The following NEB variants were observed in gnomAD, a reference collection of about 807,000 sequenced individuals.
NEB encodes the protein nemaline myopathy type 2.
Under a neutral mutation model 952.2 loss-of-function variants are expected in NEB, and 512 were observed. The observed-to-expected ratio is 0.54, with a 90% CI of 0.50 to 0.58. The LOEUF (loss-of-function observed/expected upper bound fraction) is 0.58. NEB is among the 20% of genes least tolerant of loss of function. The pLI is 0.00. For missense variants in NEB, 8,428 were observed against 9,231.1 expected (o/e 0.91, Z 3.56); for synonymous variants, 2,900 against 3,149.8 (o/e 0.92, Z 2.66).
intron 143 of NEB, among the ~76,000 whole-genome samples, chr2:151,532,973 A>C (rs996700805): frequency 6.6e-6 from 1 of 152,188 alleles, no homozygotes; most frequent in Non-Finnish European, 1.5e-5. Flanking sequence ...CAAAGTCAAG[A>C]GGCGCCATGA....
At chr2:151,562,031 G>A (rs540483472) in intron 121 of NEB, 79 bp downstream of exon 121, 3 of 1,116,232 alleles carry the variant, frequency 2.7e-6, no homozygotes, top group African/African-American at 3.1e-5. Flanking sequence ...AACTTTCTTT[G>A]CCTGCCCATC....
intron 51 of NEB, 70 bp downstream of exon 51, chr2:151,655,200 A>T: frequency 1.1e-6 from 1 of 905,660 alleles, no homozygotes; most frequent in Non-Finnish European, 1.7e-6. Flanking sequence ...ATCAGTATTT[A>T]CTGTTACATT....
At chr2:151,633,990 G>A in intron 64 of NEB, 25 bp from the exon 65 acceptor site, 1 of 1,602,380 alleles carries the variant, frequency 6.2e-7, no homozygotes, top group South Asian at 1.1e-5. Flanking sequence ...CACAAATCAG[G>A]TTTTTATTGT....
rs1207855764 is a variant in NEB at position 151,619,706 on chromosome 2, T to C, written c.10617A>G (p.Ala3539=). 4.3e-6 allele frequency: 7 copies of C among 1,613,760 alleles called. No individual in the cohort carries two copies. The highest frequency in any genetic ancestry group is 5.9e-6 in the Non-Finnish European group (7 of 1,179,780). ...KQLGHHIGAR[A]VHDDPKIMWS... Reference sequence around the variant, plus strand: ...ACATTATCTTGGGGTCATCGTGTACTGCTCGGGCGCCAATGTGGTGACCCA... The same window carrying C: ...ACATTATCTTGGGGTCATCGTGTACCGCTCGGGCGCCAATGTGGTGACCCA... Residue 3539 remains alanine, a synonymous_variant, in exon 73 of 182, where the codon GCA becomes GCG. Coordinates refer to ENST00000397345, the MANE Select transcript of NEB (RefSeq NM_001164508.2).
rs765569689 is a variant in NEB, at chr2:151,717,504, C to A, written c.734G>T (p.Gly245Val). 10 of 1,613,460 alleles carry A rather than the reference C, an allele frequency of 6.2e-6. No individual in the cohort carries two copies. Among genetic ancestry groups the A allele is most frequent in the African/African-American group, 5.3e-5 (4 of 74,916 alleles). Residue 245 changes from glycine (G) to valine (V), a missense_variant, in exon 10 of 182, where the codon GGT (glycine) becomes GTT (valine). Gly to Val is a moderately radical substitution (Grantham distance 109, BLOSUM62 -3). This residue lies in a region of NEB where 2,851 missense variants were observed against 2,791.5 expected (regional missense o/e 1.02). Coordinates refer to ENST00000397345, the MANE Select transcript of NEB (RefSeq NM_001164508.2). ...GAATTGAGCTTGCTGTTCAGCGAGA[C>A]CTTTTTTGTAGGCAACCTGATGAAA... ...KALSDVAYKK[G>V]LAEQQAQFTP...
chr2:151,576,477 C>CA (rs1399253930), intron 105 of NEB, 123 bp from the exon 106 acceptor site: 1 of 110,836 alleles, frequency 9.0e-6, no homozygotes, highest in Non-Finnish European at 1.8e-5. Context: ...ATATATATAA[C>CA]ATAAATACAT....
intron 113 of NEB, 116 bp from the exon 114 acceptor site, chr2:151,567,595 ACCC>A: frequency 1.2e-6 from 1 of 823,816 alleles, no homozygotes; most frequent in South Asian, 2.3e-5. Flanking sequence ...TTTGTTTGAC[ACCC>A]CCAACTCTGA....
In NEB at chr2:151,554,918, T is replaced by C. The variant is rs1242083931; in HGVS notation, c.19428+13A>G. The C allele has an allele frequency of 2.5e-6, 4 of 1,569,966 alleles. No individual in the cohort carries two copies. In the African/African-American group the frequency reaches 4.1e-5, roughly 16 times the overall value. On this transcript the variant is annotated intron_variant, in intron 125 of 181. Transcript: ENST00000397345. ...TGTATCCTAGTCATTAAGGGGCGCA[T>C]GACCGTACTTACATCGATGTTAAGC...
intron 44 of NEB, 63 bp downstream of exon 44, chr2:151,664,438 C>T (rs904515993): frequency 1.6e-5 from 20 of 1,261,506 alleles, no homozygotes; most frequent in Non-Finnish European, 2.2e-5. Flanking sequence ...CCTACATACA[C>T]ACAAGCTTAG....
chr2:151,717,532 A>T lies in NEB; in HGVS notation c.718-12T>A. 6.3e-7 allele frequency: 1 copy of T among 1,582,356 alleles called. No homozygotes were observed. The highest frequency in any genetic ancestry group is 8.7e-7 in the Non-Finnish European group (1 of 1,151,600). On this transcript the variant is annotated splice_polypyrimidine_tract_variant and intron_variant, in intron 9 of 181. Coordinates refer to ENST00000397345, the MANE Select transcript of NEB (RefSeq NM_001164508.2). ...TTTTTGTAGGCAACCTGATGAAATA[A>T]AAGACAGGGATGTATTTTAAAAACG...
At chr2:151,690,338 C>T (rs2099538489) in intron 24 of NEB, 1 of 207,128 alleles carries the variant, frequency 4.8e-6, no homozygotes, top group Non-Finnish European at 9.9e-6. Flanking sequence ...TTACTGTGCC[C>T]TTTCTTTTTG....
chr2:151,621,142 A>G, intron 71 of NEB, 116 bp from the exon 72 acceptor site: 1 of 665,136 alleles, frequency 1.5e-6, no homozygotes, highest in East Asian at 2.8e-5. Context: ...GTTCAGCCTT[A>G]AATCAGAAAA....
At chr2:151,491,620 G>T in intron 179 of NEB, 63 bp downstream of exon 179, 1 of 1,327,538 alleles carries the variant, frequency 7.5e-7, no homozygotes, top group Non-Finnish European at 1.1e-6. Context: ...CCAAATGAAA[G>T]TCATTGACTC....
rs139196646 is a variant in NEB, at chr2:151,731,948, T to C, written c.36+1173A>G. The stretch of plus-strand genomic sequence containing the variant: ...TAAGCCAGAGAGGCTGAGTGTTACA[T>C]TGTACGAGATTCATTCTATTTTTTC... On this transcript the variant is annotated intron_variant, in intron 3 of 181. Coordinates refer to ENST00000397345, the MANE Select transcript of NEB (RefSeq NM_001164508.2). 7.9e-5 allele frequency among the ~76,000 whole-genome samples: 12 copies of C among 152,298 alleles called. No individual in the cohort carries two copies. The East Asian group carries it at 1.7e-3, about 22-fold the overall frequency.
chr2:151,679,331 G>A (rs181747616), intron 32 of NEB, among the ~76,000 whole-genome samples: 36 of 152,052 alleles, frequency 2.4e-4, no homozygotes, highest in Non-Finnish European at 2.6e-4. Context: ...CAGAAGTAAC[G>A]AAGGAAAAAG....
chr2:151,532,114 C>T (rs548084149), intron 143 of NEB: 17 of 406,982 alleles, frequency 4.2e-5, no homozygotes, highest in Non-Finnish European at 5.3e-5. Flanking sequence ...TGTTTCCCTC[C>T]GAGACGGAGT....
At chr2:151,663,919 G>T (rs1051484401) in intron 44 of NEB, 60 bp from the exon 45 acceptor site, 1 of 1,496,478 alleles carries the variant, frequency 6.7e-7, no homozygotes, top group Non-Finnish European at 9.1e-7. Flanking sequence ...AGTACCATTT[G>T]CTAGGTGATG....
chr2:151,634,758 TGCATTCAATGGCAGTG>T (rs2098725449), intron 64 of NEB, among the ~76,000 whole-genome samples: 1 of 152,188 alleles, frequency 6.6e-6, no homozygotes, highest in Non-Finnish European at 1.5e-5. Context: ...ACTAGATTCA[TGCATTCAATGGCAGTG>T]GCAAGCTTTT....
At chr2:151,729,541 G>A in intron 4 of NEB, 74 bp downstream of exon 4, 4 of 1,516,988 alleles carry the variant, frequency 2.6e-6, no homozygotes, top group South Asian at 1.1e-5. Flanking sequence ...TGTGGCCCTG[G>A]GAGTCTAAGA....
Sources: gnomAD v4.1 joint callset for allele counts (sites outside exome capture counted in the v4.1 genomes callset) on GRCh38, gnomAD v4.1.1 for gene constraint, gnomAD v4.1.1 regional missense constraint, MANE v1.5 for transcripts, NCBI Gene and HGNC (gene_info 2026-07-23, HGNC 2026-07-21) for gene names.